The following DAB1 variants were observed in gnomAD, a reference collection of about 807,000 sequenced individuals.
DAB1 encodes disabled homolog 1.
DAB1 carries 15 observed loss-of-function variants against 64.6 expected under a neutral mutation model. The ratio of observed to expected loss-of-function variants is 0.23; its 90% CI spans 0.16 to 0.36. The LOEUF (loss-of-function observed/expected upper bound fraction) is 0.36. Among genes scored for constraint, DAB1 ranks in the 10% least tolerant of loss-of-function variants. The pLI, the probability that DAB1 is intolerant of heterozygous loss-of-function variation, is 1.00. For missense variants in DAB1, 596 were observed against 706.7 expected (o/e 0.84, Z 1.78); for synonymous variants, 235 against 251.9 (o/e 0.93, Z 0.64).
At chr1:57,951,866 C>T (rs74737063) in intron 5 of DAB1, among the ~76,000 whole-genome samples, 1,727 of 152,168 alleles carry the variant, frequency 0.011, 34 homozygotes, top group African/African-American at 0.04. Flanking sequence ...TCTTAGAATA[C>T]GGAGACCCAT....
At chr1:58,487,626 T>C (rs1645597905) in intron 3 of DAB1, among the ~76,000 whole-genome samples, 2 of 152,222 alleles carry the variant, frequency 1.3e-5, no homozygotes, top group South Asian at 4.1e-4. Context: ...TAATTTATTA[T>C]GACTCTATGG....
chr1:57,115,033 A>T (rs1655988857), intron 4 of DAB1, among the ~76,000 whole-genome samples: 1 of 152,148 alleles, frequency 6.6e-6, no homozygotes, highest in South Asian at 2.1e-4. Flanking sequence ...GGCCAACACC[A>T]TCCTCAACAC....
chr1:58,097,710 G>A (rs894609583), intron 5 of DAB1, among the ~76,000 whole-genome samples: 1 of 152,218 alleles, frequency 6.6e-6, no homozygotes, highest in South Asian at 2.1e-4. Context: ...GAGGTAGGGG[G>A]TGTTGGTACC....
chr1:57,357,772 A>C (rs923657322), intron 1 of DAB1, among the ~76,000 whole-genome samples: 3 of 151,890 alleles, frequency 2.0e-5, no homozygotes, highest in Non-Finnish European at 2.9e-5. Context: ...AGAAATGCCA[A>C]GCAAAAGGGG....
At chr1:57,695,357 G>A (rs1246388649) in intron 6 of DAB1, among the ~76,000 whole-genome samples, 2 of 15,962 alleles carry the variant, frequency 1.3e-4, no homozygotes, top group African/African-American at 3.7e-4. Context: ...AGAAAGAAAA[G>A]AAAGAAGAAA....
chr1:58,522,934 G>C (rs985236918), intron 2 of DAB1, among the ~76,000 whole-genome samples: 1 of 152,222 alleles, frequency 6.6e-6, no homozygotes, highest in African/African-American at 2.4e-5. Context: ...AGGGGTGGCA[G>C]AGGTAGAACG....
chr1:57,882,167 G>A lies in DAB1; in HGVS notation n.87+1832C>T, dbSNP rs185557632. Among the ~76,000 whole-genome samples, 501 of 152,314 alleles carry A rather than the reference G, an allele frequency of 3.3e-3. 1 individual carries two copies. Among genetic ancestry groups the A allele is most frequent in the African/African-American group, 0.012 (494 of 41,574 alleles). ...ATGATAGAGAGTTGGAAGTCAGTGT[G>A]GGGGTGGGGTGAGGGGAAACAGTGC... is the stretch of plus-strand genomic sequence containing the variant. On this transcript the variant is annotated intron_variant and non_coding_transcript_variant, in intron 1 of 1. Transcript: ENST00000477280.
chr1:58,034,587 G>A (rs1391200572), intron 5 of DAB1, among the ~76,000 whole-genome samples: 20 of 152,210 alleles, frequency 1.3e-4, no homozygotes, highest in African/African-American at 3.6e-4. Context: ...CTGCCAGATC[G>A]TGTAGAAGGT....
At chr1:57,350,436 T>C (rs76921522) in intron 1 of DAB1, among the ~76,000 whole-genome samples, 83 of 152,284 alleles carry the variant, frequency 5.5e-4, no homozygotes, top group African/African-American at 2.0e-3. Context: ...ACAAACCATA[T>C]GCTAATGCTT....
chr1:57,661,801 T>C (rs1646389512), intron 6 of DAB1, among the ~76,000 whole-genome samples: 1 of 152,238 alleles, frequency 6.6e-6, no homozygotes, highest in South Asian at 2.1e-4. Flanking sequence ...TGTTGTATTG[T>C]TATTTTTATT....
At chr1:58,411,304 T>C (rs970583686) in intron 3 of DAB1, among the ~76,000 whole-genome samples, 2 of 152,204 alleles carry the variant, frequency 1.3e-5, no homozygotes, top group Non-Finnish European at 2.9e-5. Flanking sequence ...AACTCCATTA[T>C]CTAGTCGCTG....
chr1:57,068,913 T>C (rs1056709545), intron 8 of DAB1, among the ~76,000 whole-genome samples: 1 of 152,258 alleles, frequency 6.6e-6, no homozygotes, highest in African/African-American at 2.4e-5. Context: ...GTAAAGCCTT[T>C]AGCTGTACTT....
chr1:57,644,202 T>G (rs1646164836), intron 7 of DAB1, among the ~76,000 whole-genome samples: 1 of 152,026 alleles, frequency 6.6e-6, no homozygotes, highest in Non-Finnish European at 1.5e-5. Flanking sequence ...GGAGCCTGAT[T>G]TGGAAGTTCA....
intron 5 of DAB1, among the ~76,000 whole-genome samples, chr1:57,939,211 T>C (rs2102048858): frequency 6.6e-6 from 1 of 152,190 alleles, no homozygotes; most frequent in South Asian, 2.1e-4. Flanking sequence ...AAAGAGAGCA[T>C]GCTCTGGTCT....
At chr1:57,198,846 A>G (rs1664864527) in intron 2 of DAB1, among the ~76,000 whole-genome samples, 1 of 152,160 alleles carries the variant, frequency 6.6e-6, no homozygotes. Context: ...AAAGCATAGC[A>G]CATTAGGAAA....
At chr1:57,602,805 C>A (rs1645590138) in intron 7 of DAB1, among the ~76,000 whole-genome samples, 1 of 152,028 alleles carries the variant, frequency 6.6e-6, no homozygotes, top group Admixed American at 6.6e-5. Context: ...GGAGTGGGGT[C>A]TGGGTCAGCC....
intron 9 of DAB1, among the ~76,000 whole-genome samples, chr1:57,048,652 T>C (rs59236630): frequency 6.6e-6 from 1 of 152,112 alleles, no homozygotes; most frequent in African/African-American, 2.4e-5. Flanking sequence ...CTTTCTATCT[T>C]TCAGAGTTAG....
chr1:57,791,258 G>A (rs960952195), intron 6 of DAB1, among the ~76,000 whole-genome samples: 3 of 152,140 alleles, frequency 2.0e-5, no homozygotes, highest in Non-Finnish European at 1.5e-5. Flanking sequence ...CCCCTGTGTT[G>A]GAACTTGACA....
intron 5 of DAB1, among the ~76,000 whole-genome samples, chr1:58,133,473 G>T (rs997223482): frequency 6.6e-6 from 1 of 152,144 alleles, no homozygotes; most frequent in African/African-American, 2.4e-5. Context: ...ATAGTCATTT[G>T]CTTAACTGTC....
Sources: allele counts gnomAD v4.1 joint callset (sites outside exome capture counted in the v4.1 genomes callset), GRCh38; gene constraint gnomAD v4.1.1; transcripts MANE v1.5; gene names NCBI Gene and HGNC (gene_info 2026-07-23, HGNC 2026-07-21).